Variants in LHFPL6 observed in about 807,000 individuals in gnomAD.
LHFPL6 encodes the protein LHFPL tetraspan subfamily member 6 protein.
Under a neutral mutation model 20.6 loss-of-function variants are expected in LHFPL6, and 9 were observed. That is an observed-to-expected ratio of 0.44 (90% CI 0.26 to 0.76). The LOEUF is 0.76. Ranked by LOEUF, LHFPL6 falls within the 30% of genes least tolerant of loss-of-function variation. LHFPL6 has a pLI of 0.20. For synonymous variants in LHFPL6, 105 were observed against 98.7 expected (o/e 1.06, Z -0.38); for missense variants, 218 against 253.5 (o/e 0.86, Z 0.95).
At chr13:39,587,337 G>C (rs1183532322) in intron 2 of LHFPL6, among the ~76,000 whole-genome samples, 1 of 152,046 alleles carries the variant, frequency 6.6e-6, no homozygotes, top group Admixed American at 6.6e-5. Flanking sequence ...TTGAGGACTT[G>C]ATGTTCCCCT....
At chr13:39,384,661 T>G (rs9548749) in intron 2 of LHFPL6, among the ~76,000 whole-genome samples, 9 of 152,220 alleles carry the variant, frequency 5.9e-5, no homozygotes, top group Admixed American at 2.0e-4. Context: ...CCAAATGATG[T>G]CTTAGTGACC....
intron 2 of LHFPL6, among the ~76,000 whole-genome samples, chr13:39,553,748 C>T (rs998378436): frequency 3.9e-5 from 6 of 152,214 alleles, no homozygotes; most frequent in African/African-American, 1.4e-4. Context: ...GCCAGGTGCA[C>T]GTTGGAATCC....
intron 3 of LHFPL6, among the ~76,000 whole-genome samples, chr13:39,373,641 G>C (rs1422599883): frequency 6.6e-6 from 1 of 152,214 alleles, no homozygotes; most frequent in East Asian, 1.9e-4. Context: ...CAATAAACGA[G>C]CACAGCTGAA....
At chr13:39,570,343 C>T (rs1871875324) in intron 2 of LHFPL6, among the ~76,000 whole-genome samples, 1 of 152,006 alleles carries the variant, frequency 6.6e-6, no homozygotes, top group Non-Finnish European at 1.5e-5. Flanking sequence ...CAGGGTCTCA[C>T]TATGTTGGCC....
intron 2 of LHFPL6, among the ~76,000 whole-genome samples, chr13:39,515,495 T>C (rs551792273): frequency 8.2e-4 from 125 of 152,356 alleles, no homozygotes; most frequent in African/African-American, 3.0e-3. Context: ...TTTGCCCTTA[T>C]TGCTAGATAA....
chr13:39,507,889 C>CCCTTCCTTCCTTCCTTCCTTCCTT (rs142738046), intron 2 of LHFPL6, among the ~76,000 whole-genome samples: 7 of 143,502 alleles, frequency 4.9e-5, no homozygotes, highest in Non-Finnish European at 7.5e-5. Flanking sequence ...TGCCTCCCCT[C>CCCTTCCTTCCTTCCTTCCTTCCTT]CCTTCCTTCC....
chr13:39,427,079 C>T (rs966104200), intron 2 of LHFPL6, among the ~76,000 whole-genome samples: 5 of 151,414 alleles, frequency 3.3e-5, no homozygotes, highest in Non-Finnish European at 7.4e-5. Context: ...AAAGCTTGCC[C>T]TATATGTGCT....
At chr13:39,510,902 C>T (rs1194790366) in intron 2 of LHFPL6, among the ~76,000 whole-genome samples, 2 of 148,864 alleles carry the variant, frequency 1.3e-5, no homozygotes, top group Non-Finnish European at 3.0e-5. Flanking sequence ...GAGGGAGTTT[C>T]GCTCTTATTG....
chr13:39,487,161 A>C (rs994659704), intron 2 of LHFPL6, among the ~76,000 whole-genome samples: 1 of 152,212 alleles, frequency 6.6e-6, no homozygotes, highest in African/African-American at 2.4e-5. Context: ...CTCTAGAAAG[A>C]ATTTCTTCCA....
intron 2 of LHFPL6, among the ~76,000 whole-genome samples, chr13:39,428,320 C>G (rs1028563612): frequency 6.6e-5 from 10 of 152,012 alleles, no homozygotes; most frequent in African/African-American, 2.4e-4. Flanking sequence ...TCATAGAATT[C>G]ATCAGGAAAG....
chr13:39,441,289 G>C (rs138405258), intron 2 of LHFPL6, among the ~76,000 whole-genome samples: 156 of 151,502 alleles, frequency 1.0e-3, no homozygotes, highest in African/African-American at 3.2e-3. Context: ...CCTGGCCCCT[G>C]CCTTGTTAAA....
At chr13:39,587,410 C>T (rs551192680) in intron 2 of LHFPL6, among the ~76,000 whole-genome samples, 5 of 152,222 alleles carry the variant, frequency 3.3e-5, no homozygotes, top group Admixed American at 6.5e-5. Context: ...TCTGCTGTGA[C>T]GCCTTGCCAG....
intron 2 of LHFPL6, among the ~76,000 whole-genome samples, chr13:39,574,342 T>C (rs1376931003): frequency 6.6e-6 from 1 of 151,942 alleles, no homozygotes; most frequent in East Asian, 1.9e-4. Context: ...ATTAGCCAGA[T>C]GTGGTGGTGG....
intron 2 of LHFPL6, among the ~76,000 whole-genome samples, chr13:39,573,378 A>G (rs1159532536): frequency 6.6e-6 from 1 of 152,212 alleles, no homozygotes. Flanking sequence ...TTTAAAAAGA[A>G]CCGTTCACAT....
At chr13:39,512,529 G>C (rs1869751578) in intron 2 of LHFPL6, among the ~76,000 whole-genome samples, 1 of 148,468 alleles carries the variant, frequency 6.7e-6, no homozygotes, top group Admixed American at 6.9e-5. Flanking sequence ...GTGAACCTGG[G>C]AGGCGGAGCT....
At chr13:39,380,314 T>C (rs1239353775) in intron 2 of LHFPL6, among the ~76,000 whole-genome samples, 2 of 151,780 alleles carry the variant, frequency 1.3e-5, no homozygotes, top group Non-Finnish European at 2.9e-5. Context: ...GTAAGAAAAA[T>C]AGTAACATTT....
chr13:39,596,859 G>C (rs1370530420), intron 2 of LHFPL6, among the ~76,000 whole-genome samples: 1 of 152,128 alleles, frequency 6.6e-6, no homozygotes, highest in African/African-American at 2.4e-5. Context: ...GCATAACGTG[G>C]CATATCATAT....
chr13:39,459,242 T>TGTGTG, intron 2 of LHFPL6, among the ~76,000 whole-genome samples: 1 of 101,408 alleles, frequency 9.9e-6, no homozygotes, highest in Non-Finnish European at 2.3e-5. Context: ...GTGTGTGTGT[T>TGTGTG]CGTGTGTATT....
At chr13:39,554,931 T>C (rs1455041043) in intron 2 of LHFPL6, among the ~76,000 whole-genome samples, 6 of 152,230 alleles carry the variant, frequency 3.9e-5, no homozygotes, top group African/African-American at 1.2e-4. Flanking sequence ...CAATGCTTGA[T>C]AGGCTAAATG....
Sources: allele counts gnomAD v4.1 joint callset (sites outside exome capture counted in the v4.1 genomes callset), GRCh38; gene constraint gnomAD v4.1.1; transcripts MANE v1.5; gene names NCBI Gene and HGNC (gene_info 2026-07-23, HGNC 2026-07-21).